Variants in DIP2C observed in about 807,000 individuals in gnomAD.
DIP2C encodes disco-interacting protein 2 homolog C.
A neutral mutation model predicts 192.4 loss-of-function variants in DIP2C; 33 were observed. That is an observed-to-expected ratio of 0.17 (90% CI 0.13 to 0.23). The LOEUF (loss-of-function observed/expected upper bound fraction) is 0.23, where lower values mean the gene tolerates loss of function less well. Among genes scored for constraint, DIP2C ranks in the 10% least tolerant of loss-of-function variants. The probability of loss-of-function intolerance (pLI) is 1.00; values close to 1 mark genes in which losing one functional copy is unlikely to be tolerated. For synonymous variants in DIP2C, 979 were observed against 864.1 expected (o/e 1.13, Z -2.33); for missense variants, 1,537 against 2,110.1 (o/e 0.73, Z 5.32).
At chr10:366,543 TAGTC>T in intron 18 of DIP2C, 132 bp from the exon 19 acceptor site, 1 of 1,259,672 alleles carries the variant, frequency 7.9e-7, no homozygotes, top group Non-Finnish European at 1.1e-6. Context: ...GCACGGATGG[TAGTC>T]AGCCAGGCAC....
intron 1 of DIP2C, among the ~76,000 whole-genome samples, chr10:554,866 G>C (rs930048784): frequency 7.4e-6 from 1 of 135,992 alleles, no homozygotes; most frequent in Non-Finnish European, 1.5e-5. Context: ...CAGTGATGCA[G>C]GTGTGCCCGA....
intron 1 of DIP2C, among the ~76,000 whole-genome samples, chr10:686,412 C>T (rs1204669988): frequency 6.6e-6 from 1 of 152,066 alleles, no homozygotes; most frequent in Non-Finnish European, 1.5e-5. Flanking sequence ...TCATGGCCTC[C>T]CCACCTGCAC....
chr10:310,844 C>T (rs3125035), intron 31 of DIP2C, among the ~76,000 whole-genome samples: 150,221 of 152,274 alleles, frequency 0.99, 74,120 homozygotes, highest in East Asian at 1. Context: ...AAATTGTACA[C>T]TCATTTTTGG....
chr10:608,011 G>C (rs1013746745), intron 1 of DIP2C, among the ~76,000 whole-genome samples: 2 of 151,396 alleles, frequency 1.3e-5, no homozygotes, highest in Admixed American at 6.6e-5. Flanking sequence ...CCGCAGGTGC[G>C]GTCAAGTCAT....
intron 1 of DIP2C, among the ~76,000 whole-genome samples, chr10:515,133 G>C (rs1846266637): frequency 6.6e-6 from 1 of 151,956 alleles, no homozygotes; most frequent in Non-Finnish European, 1.5e-5. Flanking sequence ...AATGCCTCAG[G>C]GAAAAAAATG....
At chr10:484,931 C>T (rs763792109) in intron 2 of DIP2C, 14 of 1,609,024 alleles carry the variant, frequency 8.7e-6, no homozygotes, top group East Asian at 6.7e-5. Flanking sequence ...CACCGAACCA[C>T]GGCAGCTCCA....
At chr10:538,486 G>A (rs1380068246) in intron 1 of DIP2C, among the ~76,000 whole-genome samples, 2 of 152,188 alleles carry the variant, frequency 1.3e-5, no homozygotes, top group African/African-American at 4.8e-5. Context: ...ATCATAAACA[G>A]GTGCCACAAT....
intron 29 of DIP2C, among the ~76,000 whole-genome samples, chr10:332,249 G>A (rs1186714290): frequency 2.0e-5 from 3 of 152,134 alleles, no homozygotes; most frequent in Admixed American, 1.3e-4. Context: ...CCCTGGAAGT[G>A]GCTTCCTCAA....
At position 383,444 on chromosome 10, in the gene DIP2C, G is replaced by C. The variant is rs533167198; in HGVS notation, c.1876+583C>G. On this transcript the variant is annotated intron_variant, in intron 16 of 36. Coordinates refer to ENST00000280886, the MANE Select transcript of DIP2C (RefSeq NM_014974.3). ...TTTTTCACAAAAGCATGCTAGCTAG[G>C]TTCTTGTTTCAGTTGGCTGAAATAT... is the stretch of plus-strand genomic sequence containing the variant. Among the ~76,000 whole-genome samples the C allele has an allele frequency of 2.0e-3, 312 of 152,270 alleles. 1 individual carries two copies. Among genetic ancestry groups the C allele is most frequent in the Middle Eastern group, 0.014 (4 of 294 alleles).
intron 8 of DIP2C, among the ~76,000 whole-genome samples, chr10:409,398 C>T (rs113679290): frequency 0.022 from 3,329 of 152,166 alleles, 110 homozygotes; most frequent in African/African-American, 0.067. Flanking sequence ...AGCGGGAGGG[C>T]CCTGAGAACC....
chr10:345,680 C>T (rs1383934047), intron 26 of DIP2C, among the ~76,000 whole-genome samples: 1 of 18,824 alleles, frequency 5.3e-5, no homozygotes, highest in Non-Finnish European at 9.9e-5. Flanking sequence ...AGACACATCA[C>T]GTATAGTTCT....
intron 23 of DIP2C, among the ~76,000 whole-genome samples, chr10:356,998 G>A (rs919481059): frequency 2.6e-5 from 4 of 152,224 alleles, no homozygotes; most frequent in Non-Finnish European, 5.9e-5. Flanking sequence ...ATGGCATGAA[G>A]CCACAAATTA....
intron 1 of DIP2C, among the ~76,000 whole-genome samples, chr10:508,947 C>T (rs965857904): frequency 1.3e-5 from 2 of 152,178 alleles, no homozygotes; most frequent in African/African-American, 2.4e-5. Context: ...CACCTGGCAC[C>T]TCTTGGATGT....
At chr10:554,550 G>A (rs1228030697) in intron 1 of DIP2C, among the ~76,000 whole-genome samples, 5 of 152,192 alleles carry the variant, frequency 3.3e-5, no homozygotes, top group Non-Finnish European at 5.9e-5. Context: ...TGAATGGTGC[G>A]AGGAAGTGGG....
intron 3 of DIP2C, among the ~76,000 whole-genome samples, chr10:465,477 C>T (rs180955782): frequency 4.2e-4 from 64 of 152,000 alleles, no homozygotes; most frequent in Admixed American, 3.4e-3. Context: ...AAAACTGGCA[C>T]GACACAGGGA....
At chr10:432,270 T>A (rs1036204278) in intron 4 of DIP2C, among the ~76,000 whole-genome samples, 1 of 152,234 alleles carries the variant, frequency 6.6e-6, no homozygotes, top group Non-Finnish European at 1.5e-5. Context: ...AGAATTGGCA[T>A]AATTTCTTTT....
chr10:362,229 C>T (rs906389037), intron 22 of DIP2C, among the ~76,000 whole-genome samples: 19 of 152,154 alleles, frequency 1.2e-4, no homozygotes, highest in South Asian at 2.1e-4. Context: ...GCTTTTGCTA[C>T]GGGAGAACAG....
chr10:578,590 T>G (rs1588503540), intron 1 of DIP2C, among the ~76,000 whole-genome samples: 1 of 152,200 alleles, frequency 6.6e-6, no homozygotes, highest in African/African-American at 2.4e-5. Flanking sequence ...TTTCACTAGC[T>G]TGTAATGAAC....
At chr10:493,488 C>T (rs997443023) in intron 1 of DIP2C, among the ~76,000 whole-genome samples, 1 of 152,254 alleles carries the variant, frequency 6.6e-6, no homozygotes, top group East Asian at 1.9e-4. Flanking sequence ...CAATGAAGCC[C>T]AGCTTCCATT....
Sources: allele counts gnomAD v4.1 joint callset (sites outside exome capture counted in the v4.1 genomes callset), GRCh38; gene constraint gnomAD v4.1.1; transcripts MANE v1.5; gene names NCBI Gene and HGNC (gene_info 2026-07-23, HGNC 2026-07-21).